Variants in AURKA observed in about 807,000 individuals in gnomAD.
The protein encoded by AURKA is aurora 2.
Under a neutral mutation model 40.9 loss-of-function variants are expected in AURKA, and 12 were observed. The ratio of observed to expected loss-of-function variants is 0.29; its 90% CI spans 0.19 to 0.48. The LOEUF is 0.48. Ranked by LOEUF, AURKA falls within the 20% of genes least tolerant of loss-of-function variation. The probability of loss-of-function intolerance (pLI) is 0.99; values close to 1 mark genes in which losing one functional copy is unlikely to be tolerated. For missense variants in AURKA, 322 were observed against 462.1 expected, an observed-to-expected ratio of 0.70 and a Z score of 2.78; for synonymous variants, 170 against 164.3, an observed-to-expected ratio of 1.03 and a Z score of -0.26.
chr20:56,379,983 A>G (rs1287408682), intron 6 of AURKA, among the ~76,000 whole-genome samples: 1 of 150,328 alleles, frequency 6.7e-6, no homozygotes, highest in Non-Finnish European at 1.5e-5. Flanking sequence ...AAAAAAAAAA[A>G]GGAAGTGTAA....
At chr20:56,375,435 A>G (rs550179476) in intron 6 of AURKA, among the ~76,000 whole-genome samples, 102 of 150,696 alleles carry the variant, frequency 6.8e-4, no homozygotes, top group Admixed American at 3.8e-3. Context: ...GTGAGCTACC[A>G]TGCCTGGCCC....
Position 56,373,311 on chromosome 20 carries a change from C to T in AURKA, c.854+97G>A, listed in dbSNP as rs1013913539. 4 of 1,579,932 alleles carry T rather than the reference C, an allele frequency of 2.5e-6. No homozygotes were observed. In the African/African-American group the frequency reaches 5.4e-5, roughly 21 times the overall value. On this transcript the variant is annotated intron_variant, in intron 7 of 8. Transcript: ENST00000395915. This position sits in a 1 kb window ranked among gnomAD's most constrained non-coding sequence, Gnocchi z 5.0. ...CTGGGTTAGCCACCTACCCCTCTTACAGCACAAAATCTACACTGAAATATT... is the reference window on the plus strand; with the variant it reads ...CTGGGTTAGCCACCTACCCCTCTTATAGCACAAAATCTACACTGAAATATT...
intron 7 of AURKA, 95 bp from the exon 8 acceptor site, chr20:56,370,754 T>G: frequency 2.7e-5 from 37 of 1,370,224 alleles, no homozygotes; most frequent in Non-Finnish European, 3.4e-5. Context: ...CACTGAGGTC[T>G]TCCCCTGGGC....
At position 56,370,269 on chromosome 20, in the gene AURKA, A is replaced by T; in HGVS notation, c.1101T>A (p.Asn367Lys). The change falls in exon 9 of 9, where the codon AAT (asparagine) becomes AAA (lysine). Residue 367 changes from asparagine to lysine, a missense_variant. Coordinates refer to ENST00000395915, the MANE Select transcript of AURKA (RefSeq NM_198437.3). ...RDLISRLLKH[N>K]PSQRPMLREV... ...CTCTGAGCATTGGCCTCTGGCTGGG[A>T]TTATGCTTCAACAGTCTTGAAATGA... 1 of 1,614,150 alleles carries T rather than the reference A, an allele frequency of 6.2e-7. No individual in the cohort carries two copies. Among genetic ancestry groups the T allele is most frequent in the Non-Finnish European group, 8.5e-7 (1 of 1,180,034 alleles).
In AURKA at chr20:56,386,322, G is replaced by A; in HGVS notation, c.254C>T (p.Pro85Leu). ...ATTCAGTGGCCTGGAGACAGGATGAGGTACACTGGTTGCCTGCAATTGCTT... is the reference window on the plus strand; with the variant it reads ...ATTCAGTGGCCTGGAGACAGGATGAAGTACACTGGTTGCCTGCAATTGCTT... ...KQKQLQATSVPHPVSRPLNNT... is the reference protein window; with the variant it reads ...KQKQLQATSVLHPVSRPLNNT... The change falls in exon 3 of 9, where the codon CCT becomes CTT. Residue 85 changes from proline to leucine, a missense_variant. By Grantham distance (98) the Pro-to-Leu change is moderately conservative. Transcript: ENST00000395915. 1 of 1,614,198 alleles carries A rather than the reference G, an allele frequency of 6.2e-7. No individual in the cohort carries two copies. The highest frequency in any genetic ancestry group is 8.5e-7 in the Non-Finnish European group (1 of 1,180,040).
rs1284373766 is a variant in AURKA, at chr20:56,370,072, G to A, written c.*86C>T. The A allele has an allele frequency of 2.0e-6, 3 of 1,517,930 alleles. No homozygotes were observed. Among genetic ancestry groups the A allele is most frequent in the Non-Finnish European group, 2.7e-6 (3 of 1,095,658 alleles). The allele number at this position is 1,517,930 out of a possible 1,614,324, so 94.0% of individuals were successfully genotyped here. A position where few individuals can be genotyped will look rare whatever the true frequency, so the allele number is the denominator to read the frequency against. ...GTAGCGTTCTAGATTGAGGGCAGCA[G>A]TCAATGGTAAAATAAACTTCAGTAG... is the stretch of plus-strand genomic sequence containing the variant. On this transcript the variant is annotated 3_prime_UTR_variant, in exon 9 of 9. Coordinates refer to ENST00000395915, the MANE Select transcript of AURKA (RefSeq NM_198437.3).
chr20:56,380,314 C>T lies in AURKA; in HGVS notation c.705+1119G>A, dbSNP rs182627883. On this transcript the variant is annotated intron_variant, in intron 6 of 8. Transcript: ENST00000395915. Reference sequence around the variant, plus strand: ...AGGTTGCAGTGAGCCAAGATAGCGCCACTGCACTCCAGCCTGGGCGACAGA... The same window carrying T: ...AGGTTGCAGTGAGCCAAGATAGCGCTACTGCACTCCAGCCTGGGCGACAGA... 9.4e-3 allele frequency among the ~76,000 whole-genome samples: 1,394 copies of T among 148,470 alleles called. 14 individuals carry two copies. Among genetic ancestry groups the T allele is most frequent in the African/African-American group, 0.017 (675 of 40,398 alleles).
intron 5 of AURKA, 28 bp from the exon 6 acceptor site, chr20:56,381,599 C>T (rs2146183512): frequency 6.2e-7 from 1 of 1,612,164 alleles, no homozygotes; most frequent in Non-Finnish European, 8.5e-7. Context: ...CATTCTAACA[C>T]TTGGTTTGGA....
chr20:56,383,488 A>G (rs956974762), intron 4 of AURKA, among the ~76,000 whole-genome samples: 1 of 152,216 alleles, frequency 6.6e-6, no homozygotes, highest in Non-Finnish European at 1.5e-5. Context: ...AACGCTGAAG[A>G]CCACAAAAAG....
At chr20:56,380,360 G>GAAAAAAAAAAAAA (rs58953054) in intron 6 of AURKA, among the ~76,000 whole-genome samples, 2 of 119,970 alleles carry the variant, frequency 1.7e-5, no homozygotes, top group Non-Finnish European at 1.7e-5. Context: ...GTCTCAAAAA[G>GAAAAAAAAAAAAA]AAAAAAAAAA....
At chr20:56,389,883 A>G (rs190097925) in intron 1 of AURKA, among the ~76,000 whole-genome samples, 8 of 152,258 alleles carry the variant, frequency 5.3e-5, no homozygotes, top group African/African-American at 1.7e-4. Flanking sequence ...ATCACTGCTC[A>G]CCACCTCTAC....
At chr20:56,387,925 T>C (rs1276223082) in intron 2 of AURKA, among the ~76,000 whole-genome samples, 1 of 152,078 alleles carries the variant, frequency 6.6e-6, no homozygotes. Flanking sequence ...CTGCATACAG[T>C]GGAGGGATAT....
chr20:56,379,073 C>CA (rs921058053), intron 6 of AURKA, among the ~76,000 whole-genome samples: 9 of 151,982 alleles, frequency 5.9e-5, no homozygotes, highest in Middle Eastern at 3.4e-3. Flanking sequence ...CAGATTGTGA[C>CA]AAAAAAATCT....
At chr20:56,387,223 G>A (rs574129255) in intron 2 of AURKA, among the ~76,000 whole-genome samples, 76 of 152,122 alleles carry the variant, frequency 5.0e-4, no homozygotes, top group African/African-American at 1.8e-3. Flanking sequence ...GCATGATCTC[G>A]GCTCACTGCA....
chr20:56,386,422 T>G lies in AURKA; in HGVS notation c.154A>C (p.Asn52His), dbSNP rs1397339267. 6.2e-7 allele frequency: 1 copy of G among 1,614,030 alleles called. No homozygotes were observed. The highest frequency in any genetic ancestry group is 2.2e-5 in the East Asian group (1 of 44,896). Residue 52 changes from asparagine to histidine, a missense_variant, in exon 3 of 9, where the codon AAT becomes CAT. By Grantham distance (68) the Asn-to-His change is moderately conservative. Transcript: ENST00000395915. ...GQAQRVLCPS[N>H]SSQRIPLQAQ... ...TGCAAAGGAATGCGCTGGGAAGAATTTGAAGGACACAAGACCCGCTGAGCC... is the reference window on the plus strand; with the variant it reads ...TGCAAAGGAATGCGCTGGGAAGAATGTGAAGGACACAAGACCCGCTGAGCC...
chr20:56,388,963 C>CT (rs1388318907), intron 1 of AURKA, among the ~76,000 whole-genome samples: 1 of 152,202 alleles, frequency 6.6e-6, no homozygotes, highest in African/African-American at 2.4e-5. Context: ...CCCCACCTGG[C>CT]TTTTTTGTCT....
intron 6 of AURKA, among the ~76,000 whole-genome samples, chr20:56,379,941 C>T (rs1445061080): frequency 4.8e-5 from 7 of 144,776 alleles, no homozygotes; most frequent in African/African-American, 1.0e-4. Context: ...CCAGCCTGGG[C>T]GACAGAGTGA....
At chr20:56,382,922 T>G in intron 5 of AURKA, 63 bp downstream of exon 5, 2 of 1,584,138 alleles carry the variant, frequency 1.3e-6, no homozygotes, top group Non-Finnish European at 1.7e-6. Context: ...AGGCTGACAT[T>G]ACAGGAGGGG....
chr20:56,387,345 G>A (rs1011618263), intron 2 of AURKA, among the ~76,000 whole-genome samples: 2 of 152,110 alleles, frequency 1.3e-5, no homozygotes, highest in African/African-American at 4.8e-5. Context: ...GTAGAAACAG[G>A]GTTTCACCAT....
Sources: gnomAD v4.1 joint callset for allele counts (sites outside exome capture counted in the v4.1 genomes callset) on GRCh38, gnomAD v4.1.1 for gene constraint, Gnocchi (gnomAD v3.1) non-coding constraint, MANE v1.5 for transcripts, NCBI Gene and HGNC (gene_info 2026-07-23, HGNC 2026-07-21) for gene names.